CREBBP: variants seen among roughly 807,000 people sequenced by gnomAD.
CREBBP encodes CREB binding lysine acetyltransferase.
In CREBBP, 19 loss-of-function variants were observed where a neutral mutation model predicts 265.0. The ratio of observed to expected loss-of-function variants is 0.07; its 90% CI spans 0.05 to 0.11. CREBBP has a LOEUF of 0.11. Among genes scored for constraint, CREBBP ranks in the 10% least tolerant of loss-of-function variants. The pLI, the probability that CREBBP is intolerant of heterozygous loss-of-function variation, is 1.00. For missense variants in CREBBP, 2,525 were observed against 3,219.0 expected (o/e 0.78, Z 5.22); for synonymous variants, 1,457 against 1,223.7 (o/e 1.19, Z -3.98).
chr16:3,729,188 A>G lies in CREBBP; in HGVS notation c.5859T>C (p.Pro1953=), dbSNP rs202187567. 4.4e-6 allele frequency: 4 copies of G among 900,300 alleles called. No homozygotes were observed. The highest frequency in any genetic ancestry group is 7.0e-5 in the East Asian group (1 of 14,234). The allele number at this position is 900,300 out of a possible 1,614,324, so 55.8% of individuals were successfully genotyped here. Residue 1953 remains proline (P), a synonymous_variant, in exon 31 of 31, where the codon CCT becomes CCC. Coordinates refer to ENST00000262367, the MANE Select transcript of CREBBP (RefSeq NM_004380.3). The stretch of plus-strand genomic sequence containing the variant: ...TCTGCCGAGCCGCTTCCACCGCTGC[A>G]GGAGGGGGCTGGGCCGGGGGTGGGG... ...PAPPPPAQPP[P]AAVEAARQIE... is the part of the protein sequence containing the mutation.
chr16:3,875,195 C>T (rs980446180), intron 1 of CREBBP, among the ~76,000 whole-genome samples: 4 of 152,192 alleles, frequency 2.6e-5, no homozygotes, highest in Non-Finnish European at 4.4e-5. Context: ...AATGTTCAGC[C>T]AGGAGCGACT....
At chr16:3,827,958 T>C (rs754777554) in intron 2 of CREBBP, among the ~76,000 whole-genome samples, 3 of 152,138 alleles carry the variant, frequency 2.0e-5, no homozygotes, top group Non-Finnish European at 2.9e-5. Flanking sequence ...TCCCAAAGTG[T>C]TGGGATTGCA....
chr16:3,804,695 T>A (rs2053793819), intron 3 of CREBBP, among the ~76,000 whole-genome samples: 2 of 152,228 alleles, frequency 1.3e-5, no homozygotes, highest in South Asian at 4.1e-4. Flanking sequence ...CTATCCTCAT[T>A]ATACACTTCC....
At chr16:3,759,441 C>G (rs968497807) in intron 16 of CREBBP, among the ~76,000 whole-genome samples, 2 of 151,966 alleles carry the variant, frequency 1.3e-5, no homozygotes, top group Non-Finnish European at 2.9e-5. Context: ...ACAAATTTAG[C>G]CTGGTGTGTG....
chr16:3,729,668 T>C lies in CREBBP; in HGVS notation c.5379A>G (p.Pro1793=), dbSNP rs372104261. The change falls in exon 31 of 31, where the codon CCA becomes CCG. Residue 1793 remains proline (P), a synonymous_variant. Coordinates refer to ENST00000262367, the MANE Select transcript of CREBBP (RefSeq NM_004380.3). The part of the protein sequence containing the change: ...CQCRNANCSL[P]SCQKMKRVVQ... ...CCACCCGCTTCATCTTCTGGCAGGA[T>C]GGCAGCGAGCAGTTGGCGTTGCGGC... is the stretch of plus-strand genomic sequence containing the variant. The C allele has an allele frequency of 7.4e-6, 12 of 1,613,578 alleles. No individual in the cohort carries two copies. The highest frequency in any genetic ancestry group is 1.3e-5 in the African/African-American group (1 of 74,922).
intron 1 of CREBBP, among the ~76,000 whole-genome samples, chr16:3,871,955 G>A (rs1287723020): frequency 6.6e-6 from 1 of 152,204 alleles, no homozygotes; most frequent in East Asian, 1.9e-4. Flanking sequence ...AGTAAAGTCA[G>A]ATTTAATCAT....
rs757986079 is a variant in CREBBP at position 3,777,603 on chromosome 16, A to G, written c.2158+10T>C. The stretch of plus-strand genomic sequence containing the variant: ...AACTAAAATATGATTCACCACAAAC[A>G]GTTCAATACCTTGAGAAACTTGCAT... On this transcript the variant is annotated intron_variant, in intron 11 of 30. Coordinates refer to ENST00000262367, the MANE Select transcript of CREBBP (RefSeq NM_004380.3). 1 of 1,613,964 alleles carries G rather than the reference A, an allele frequency of 6.2e-7. No individual in the cohort carries two copies. Among genetic ancestry groups the G allele is most frequent in the African/African-American group, 1.3e-5 (1 of 74,936 alleles).
In CREBBP at chr16:3,768,136, G is replaced by GTTTTTTTTTTTTTTTT. The variant is rs71133655; in HGVS notation, c.3061-243_3061-228dup. ...CAATTATGGTCCTAAATTTAAAAGT[G>GTTTTTTTTTTTTTTTT]TTTTTTTTTTTTTTTTTTTTTTTTT... is the stretch of plus-strand genomic sequence containing the variant. On this transcript the variant is annotated intron_variant, in intron 15 of 30. Coordinates refer to ENST00000262367, the MANE Select transcript of CREBBP (RefSeq NM_004380.3). Among the ~76,000 whole-genome samples the GTTTTTTTTTTTTTTTT allele has an allele frequency of 9.7e-5, 5 of 51,610 alleles. 1 individual carries two copies. The highest frequency in any genetic ancestry group is 1.3e-4 in the African/African-American group (2 of 15,022). The allele number at this position is 51,610 out of a possible 152,430, so 33.9% of individuals were successfully genotyped here.
At position 3,778,827 on chromosome 16, in the gene CREBBP, T is replaced by C. The variant is rs760931239; in HGVS notation, c.1824-10A>G. ...GAAGATGGCTTGGACGCTGAAAGGA[T>C]AACACATCTATCAAACTACTTTTTT... On this transcript the variant is annotated splice_polypyrimidine_tract_variant and intron_variant, in intron 8 of 30. Transcript: ENST00000262367. 2.5e-6 allele frequency: 4 copies of C among 1,610,074 alleles called. No individual in the cohort carries two copies. Among genetic ancestry groups the C allele is most frequent in the Non-Finnish European group, 3.4e-6 (4 of 1,176,522 alleles).
At chr16:3,771,738 G>A (rs764817114) in intron 13 of CREBBP, among the ~76,000 whole-genome samples, 9 of 151,704 alleles carry the variant, frequency 5.9e-5, no homozygotes, top group East Asian at 1.9e-4. Flanking sequence ...TCACATCCCT[G>A]GGGGCACAGA....
At chr16:3,738,438 T>C in intron 26 of CREBBP, 121 bp downstream of exon 26, 1 of 721,784 alleles carries the variant, frequency 1.4e-6, no homozygotes, top group Non-Finnish European at 2.4e-6. Flanking sequence ...GATTCTGAAT[T>C]GATCTTAGGA....
At chr16:3,742,125 A>G (rs1228570440) in intron 23 of CREBBP, 2 of 152,190 alleles carry the variant, frequency 1.3e-5, no homozygotes, top group African/African-American at 4.8e-5. Context: ...ACCCCCCAAA[A>G]AAACAAACAA....
intron 11 of CREBBP, among the ~76,000 whole-genome samples, chr16:3,775,509 G>A (rs1056070682): frequency 4.6e-5 from 7 of 152,296 alleles, no homozygotes; most frequent in Admixed American, 1.3e-4. Flanking sequence ...CTGCCTTAGC[G>A]CTGCTGTAGT....
In CREBBP at chr16:3,818,467, C is replaced by T. The variant is rs540492160; in HGVS notation, c.799-7688G>A. On this transcript the variant is annotated intron_variant, in intron 2 of 30. Transcript: ENST00000262367. ...GGACTACAGGCGCGTGCCACCACGC[C>T]TGGCTAATTTTTGTATTTTTAGTAG... Among the ~76,000 whole-genome samples the T allele has an allele frequency of 2.0e-5, 3 of 152,156 alleles. No homozygotes were observed. In the East Asian group the frequency reaches 5.8e-4, roughly 29 times the overall value.
At chr16:3,850,271 T>C in intron 2 of CREBBP, 26 bp downstream of exon 2, 3 of 1,611,872 alleles carry the variant, frequency 1.9e-6, no homozygotes, top group Non-Finnish European at 2.5e-6. Flanking sequence ...AGGTAGGAAG[T>C]ATTGAAAGTG....
At chr16:3,816,963 G>C (rs550273095) in intron 2 of CREBBP, among the ~76,000 whole-genome samples, 1 of 152,312 alleles carries the variant, frequency 6.6e-6, no homozygotes, top group African/African-American at 2.4e-5. Context: ...ATGGCTGGAG[G>C]GGGCATCGGA....
chr16:3,782,654 A>G, intron 6 of CREBBP, 30 bp downstream of exon 6: 1 of 1,613,178 alleles, frequency 6.2e-7, no homozygotes, highest in African/African-American at 1.3e-5. Flanking sequence ...GTGGACAAGT[A>G]AGAACGAAGT....
chr16:3,779,576 G>T (rs1331687298), intron 8 of CREBBP, among the ~76,000 whole-genome samples: 1 of 152,150 alleles, frequency 6.6e-6, no homozygotes, highest in Non-Finnish European at 1.5e-5. Context: ...CTCTTGCCTC[G>T]CATGTCAATA....
At position 3,769,310 on chromosome 16, in the gene CREBBP, G is replaced by T; in HGVS notation, c.2924C>A (p.Pro975His). Residue 975 changes from proline (P) to histidine (H), a missense_variant, in exon 15 of 31, where the codon CCC becomes CAC. This residue lies in a region of CREBBP where 548 missense variants were observed against 533.0 expected (regional missense o/e 1.03). Transcript: ENST00000262367. ...GGTTTCTGCGCTGGCCACCGAGGAG[G>T]GGGTAGGGACTCTGTTATCAATGCT... Reference protein sequence around the residue: ...AASIDNRVPTPSSVASAETNS... With the variant: ...AASIDNRVPTHSSVASAETNS... 4.3e-6 allele frequency: 7 copies of T among 1,614,188 alleles called. No individual in the cohort carries two copies. The highest frequency in any genetic ancestry group is 5.9e-6 in the Non-Finnish European group (7 of 1,180,026).
Sources: gnomAD v4.1 joint callset for allele counts (sites outside exome capture counted in the v4.1 genomes callset) on GRCh38, gnomAD v4.1.1 for gene constraint, gnomAD v4.1.1 regional missense constraint, MANE v1.5 for transcripts, NCBI Gene and HGNC (gene_info 2026-07-23, HGNC 2026-07-21) for gene names.